MBD5: variants seen among roughly 807,000 people sequenced by gnomAD.
MBD5 encodes methyl-CpG binding domain protein 5, also known as methyl-CpG-binding domain protein 5.
Under a neutral mutation model 117.3 loss-of-function variants are expected in MBD5, and 13 were observed. The ratio of observed to expected loss-of-function variants is 0.11; its 90% CI spans 0.07 to 0.18. MBD5 has a LOEUF of 0.18. Among genes scored for constraint, MBD5 ranks in the 10% least tolerant of loss-of-function variants. The pLI, the probability that MBD5 is intolerant of heterozygous loss-of-function variation, is 1.00. For missense variants in MBD5, 1,879 were observed against 2,093.8 expected, an observed-to-expected ratio of 0.90 and a Z score of 2.00; for synonymous variants, 727 against 766.4, an observed-to-expected ratio of 0.95 and a Z score of 0.85.
At chr2:148,292,489 C>T (rs1682384651) in intron 3 of MBD5, among the ~76,000 whole-genome samples, 1 of 152,074 alleles carries the variant, frequency 6.6e-6, no homozygotes, top group African/African-American at 2.4e-5. Context: ...CATTAATCAT[C>T]AGAAATGCAA....
chr2:148,268,848 T>C (rs1035444551), intron 3 of MBD5, among the ~76,000 whole-genome samples: 1 of 151,994 alleles, frequency 6.6e-6, no homozygotes, highest in African/African-American at 2.4e-5. Context: ...TGTATTTGGT[T>C]TGCTTATTTT....
intron 2 of MBD5, among the ~76,000 whole-genome samples, chr2:148,185,717 C>T (rs1410702705): frequency 3.9e-5 from 6 of 152,088 alleles, no homozygotes; most frequent in African/African-American, 1.4e-4. Flanking sequence ...GCCTGGGCAA[C>T]ATAATGAGGC....
At chr2:148,176,205 A>G (rs1698381140) in intron 1 of MBD5, among the ~76,000 whole-genome samples, 1 of 152,104 alleles carries the variant, frequency 6.6e-6, no homozygotes, top group African/African-American at 2.4e-5. Context: ...AATAAGAGCT[A>G]AAGTATAGTT....
intron 4 of MBD5, among the ~76,000 whole-genome samples, chr2:148,359,790 G>T (rs1212176908): frequency 2.0e-5 from 3 of 152,116 alleles, no homozygotes; most frequent in African/African-American, 7.2e-5. Context: ...TGGCATATGT[G>T]ACTGCTCTTT....
At chr2:148,392,466 G>C (rs1704595328) in intron 4 of MBD5, among the ~76,000 whole-genome samples, 1 of 152,128 alleles carries the variant, frequency 6.6e-6, no homozygotes, top group Admixed American at 6.5e-5. Context: ...TTGGCCTGGA[G>C]TTCTGAATTT....
chr2:148,392,191 T>G (rs1704587581), intron 4 of MBD5, among the ~76,000 whole-genome samples: 1 of 152,220 alleles, frequency 6.6e-6, no homozygotes, highest in South Asian at 2.1e-4. Context: ...TCATTATTGC[T>G]ATAGTTATTC....
intron 3 of MBD5, among the ~76,000 whole-genome samples, chr2:148,286,285 A>G (rs1033163528): frequency 6.6e-6 from 1 of 152,168 alleles, no homozygotes; most frequent in Non-Finnish European, 1.5e-5. Flanking sequence ...ATTATTTCAT[A>G]TTCATGTGTC....
intron 1 of MBD5, among the ~76,000 whole-genome samples, chr2:148,114,938 A>T (rs965872966): frequency 2.6e-5 from 4 of 152,150 alleles, no homozygotes; most frequent in Non-Finnish European, 4.4e-5. Flanking sequence ...CCTACCTGTA[A>T]CAGTACTCCT....
Position 148,140,922 on chromosome 2 carries a change from C to T in MBD5, c.-924-37778C>T, listed in dbSNP as rs544889323. ...CTGGGACTATAGGTGTGTACCACCT[C>T]GCCCAGCTAATTTTTTTATTTTTTA... On this transcript the variant is annotated intron_variant, in intron 1 of 13. Transcript: ENST00000642680. Among the ~76,000 whole-genome samples the T allele has an allele frequency of 4.6e-5, 7 of 152,062 alleles. No homozygotes were observed. The East Asian group carries it at 9.7e-4, about 21-fold the overall frequency.
intron 4 of MBD5, among the ~76,000 whole-genome samples, chr2:148,411,968 G>A (rs1440679776): frequency 6.6e-6 from 1 of 151,984 alleles, no homozygotes; most frequent in Non-Finnish European, 1.5e-5. Flanking sequence ...TTATCTTCCA[G>A]GGTTTTTATA....
chr2:148,256,206 C>T (rs1700586295), intron 3 of MBD5, among the ~76,000 whole-genome samples: 1 of 152,236 alleles, frequency 6.6e-6, no homozygotes. Context: ...AAAAGCCTCC[C>T]AAATGTCTTG....
chr2:148,436,507 G>T (rs1706161959), intron 4 of MBD5, among the ~76,000 whole-genome samples: 1 of 151,964 alleles, frequency 6.6e-6, no homozygotes, highest in South Asian at 2.1e-4. Context: ...CAAGTAGCTG[G>T]GACTACAGGC....
At chr2:148,506,784 A>G (rs1248210373) in intron 12 of MBD5, among the ~76,000 whole-genome samples, 1 of 152,374 alleles carries the variant, frequency 6.6e-6, no homozygotes, top group East Asian at 1.9e-4. Context: ...AGTGTCCATT[A>G]GTAAAAATGT....
At chr2:148,179,094 C>T (rs1698456845) in intron 2 of MBD5, among the ~76,000 whole-genome samples, 1 of 152,176 alleles carries the variant, frequency 6.6e-6, no homozygotes, top group Non-Finnish European at 1.5e-5. Context: ...GTGGCTCACG[C>T]CTGTAATCCC....
At chr2:148,498,962 A>G (rs1681790158) in intron 11 of MBD5, among the ~76,000 whole-genome samples, 1 of 152,182 alleles carries the variant, frequency 6.6e-6, no homozygotes, top group South Asian at 2.1e-4. Context: ...GAATTATTAT[A>G]TCCAAACAAT....
At chr2:148,378,691 G>A (rs1376860090) in intron 4 of MBD5, among the ~76,000 whole-genome samples, 1 of 151,720 alleles carries the variant, frequency 6.6e-6, no homozygotes, top group Non-Finnish European at 1.5e-5. Context: ...ATATTCATTT[G>A]GCTAGCTTTG....
At chr2:148,183,162 A>C (rs1331585646) in intron 2 of MBD5, among the ~76,000 whole-genome samples, 1 of 152,168 alleles carries the variant, frequency 6.6e-6, no homozygotes, top group African/African-American at 2.4e-5. Flanking sequence ...TAAGTGTTGC[A>C]GAAGAAATGA....
At chr2:148,409,593 T>C (rs1705194185) in intron 4 of MBD5, among the ~76,000 whole-genome samples, 1 of 152,154 alleles carries the variant, frequency 6.6e-6, no homozygotes, top group African/African-American at 2.4e-5. Flanking sequence ...TTATTTCTTT[T>C]GAACACCTAG....
chr2:148,113,042 A>G (rs1696540038), intron 1 of MBD5, among the ~76,000 whole-genome samples: 1 of 152,218 alleles, frequency 6.6e-6, no homozygotes, highest in Non-Finnish European at 1.5e-5. Flanking sequence ...GACCAGTTAC[A>G]CAGATAGCAA....
Sources: allele counts gnomAD v4.1 joint callset (sites outside exome capture counted in the v4.1 genomes callset), GRCh38; gene constraint gnomAD v4.1.1; transcripts MANE v1.5; gene names NCBI Gene and HGNC (gene_info 2026-07-23, HGNC 2026-07-21).